KIAA1328: variants seen among roughly 807,000 people sequenced by gnomAD.
The protein encoded by KIAA1328 is KIAA1328, also known as protein hinderin.
Under a neutral mutation model 68.1 loss-of-function variants are expected in KIAA1328, and 52 were observed. The observed-to-expected ratio is 0.76, with a 90% confidence interval of 0.61 to 0.96. The LOEUF (loss-of-function observed/expected upper bound fraction) is 0.96. KIAA1328 is among the 40% of genes least tolerant of loss of function. The pLI is 0.00. For synonymous variants in KIAA1328, 232 were observed against 239.4 expected, an observed-to-expected ratio of 0.97 and a Z score of 0.28; for missense variants, 641 against 677.6, an observed-to-expected ratio of 0.95 and a Z score of 0.60.
chr18:36,952,278 A>G (rs926408728), intron 5 of KIAA1328, among the ~76,000 whole-genome samples: 1 of 152,122 alleles, frequency 6.6e-6, no homozygotes, highest in Non-Finnish European at 1.5e-5. Flanking sequence ...ACTTCCCTCC[A>G]GTGTGGTCAA....
At chr18:37,028,779 A>G (rs993239642) in intron 6 of KIAA1328, among the ~76,000 whole-genome samples, 1 of 152,134 alleles carries the variant, frequency 6.6e-6, no homozygotes, top group Non-Finnish European at 1.5e-5. Context: ...TGAGGTGATC[A>G]TGTGGTTTTT....
chr18:36,976,211 A>G (rs988769440), intron 6 of KIAA1328, among the ~76,000 whole-genome samples: 1 of 152,206 alleles, frequency 6.6e-6, no homozygotes, highest in Non-Finnish European at 1.5e-5. Flanking sequence ...ACCTGTGGCT[A>G]TAATTTTGGA....
intron 6 of KIAA1328, among the ~76,000 whole-genome samples, chr18:37,051,874 T>C (rs1439179134): frequency 1.3e-5 from 2 of 152,194 alleles, no homozygotes; most frequent in East Asian, 3.9e-4. Context: ...AAACCCCATC[T>C]CTACTAAAAA....
chr18:37,109,420 T>A (rs2057866550), intron 7 of KIAA1328, among the ~76,000 whole-genome samples: 1 of 152,218 alleles, frequency 6.6e-6, no homozygotes, highest in Non-Finnish European at 1.5e-5. Flanking sequence ...CTTTTTTGTA[T>A]GTAATAACTA....
chr18:37,112,761 A>G (rs1222453119), intron 7 of KIAA1328, among the ~76,000 whole-genome samples: 2 of 152,146 alleles, frequency 1.3e-5, no homozygotes, highest in Non-Finnish European at 2.9e-5. Flanking sequence ...AATACCTTGA[A>G]AAAAGATTGG....
intron 6 of KIAA1328, among the ~76,000 whole-genome samples, chr18:36,974,700 T>C (rs1362614330): frequency 1.3e-5 from 2 of 152,202 alleles, no homozygotes; most frequent in East Asian, 3.8e-4. Context: ...GTTCTATTTT[T>C]AGTTATTCGA....
intron 5 of KIAA1328, among the ~76,000 whole-genome samples, chr18:36,925,276 A>G (rs1018067902): frequency 1.3e-5 from 2 of 152,168 alleles, no homozygotes; most frequent in Non-Finnish European, 2.9e-5. Context: ...ATGGCAGAAT[A>G]CTACGGATTC....
At chr18:36,848,448 C>A (rs1208844147) in intron 4 of KIAA1328, among the ~76,000 whole-genome samples, 1 of 144,188 alleles carries the variant, frequency 6.9e-6, no homozygotes, top group Non-Finnish European at 1.5e-5. Flanking sequence ...TTGTTACAGT[C>A]GTTTTTTGGT....
At chr18:37,015,605 A>G (rs1394509358) in intron 6 of KIAA1328, among the ~76,000 whole-genome samples, 1 of 152,054 alleles carries the variant, frequency 6.6e-6, no homozygotes, top group Non-Finnish European at 1.5e-5. Context: ...GGCCATTTTA[A>G]CTATATTGAT....
At chr18:37,128,403 G>A (rs184304622) in intron 7 of KIAA1328, among the ~76,000 whole-genome samples, 2 of 152,234 alleles carry the variant, frequency 1.3e-5, no homozygotes, top group South Asian at 2.1e-4. Context: ...AACCTGGGAG[G>A]CGTAGGTTGC....
At chr18:37,092,540 G>A (rs1050336735) in intron 7 of KIAA1328, among the ~76,000 whole-genome samples, 1 of 151,952 alleles carries the variant, frequency 6.6e-6, no homozygotes, top group Non-Finnish European at 1.5e-5. Flanking sequence ...GGCACCTGAG[G>A]ATAGGGCTCT....
chr18:36,938,114 C>A (rs533192970), intron 5 of KIAA1328, among the ~76,000 whole-genome samples: 1 of 152,238 alleles, frequency 6.6e-6, no homozygotes, highest in East Asian at 1.9e-4. Context: ...TGGGTATATA[C>A]CCAGAAGTGG....
chr18:36,927,917 GAGA>G (rs2050178988), intron 5 of KIAA1328, among the ~76,000 whole-genome samples: 1 of 152,090 alleles, frequency 6.6e-6, no homozygotes, highest in Non-Finnish European at 1.5e-5. Flanking sequence ...AAAGGGAAGA[GAGA>G]AGTTGTCCCG....
chr18:36,941,936 A>G (rs555743736), intron 5 of KIAA1328, among the ~76,000 whole-genome samples: 1 of 152,182 alleles, frequency 6.6e-6, no homozygotes, highest in Non-Finnish European at 1.5e-5. Context: ...AAAAAAAAGA[A>G]CCTAATAAAA....
At chr18:37,089,468 G>GGA (rs2057207819) in intron 7 of KIAA1328, among the ~76,000 whole-genome samples, 1 of 149,236 alleles carries the variant, frequency 6.7e-6, no homozygotes, top group Non-Finnish European at 1.5e-5. Context: ...TCCACCTTCC[G>GGA]GGTTCAAGCA....
intron 6 of KIAA1328, among the ~76,000 whole-genome samples, chr18:36,979,310 A>G (rs2052593724): frequency 6.6e-6 from 1 of 152,196 alleles, no homozygotes; most frequent in Non-Finnish European, 1.5e-5. Context: ...TTTATTATAG[A>G]TATAAACTGT....
At chr18:36,874,402 T>C (rs968279649) in intron 4 of KIAA1328, among the ~76,000 whole-genome samples, 1 of 152,238 alleles carries the variant, frequency 6.6e-6, no homozygotes, top group Admixed American at 6.5e-5. Flanking sequence ...TGGTATCTCA[T>C]TGTGGTTTTG....
chr18:36,875,998 GC>G (rs1392129657), intron 4 of KIAA1328, among the ~76,000 whole-genome samples: 4 of 152,028 alleles, frequency 2.6e-5, no homozygotes, highest in Non-Finnish European at 5.9e-5. Flanking sequence ...AACCAGCCTT[GC>G]ATCCCAGGGA....
rs2060597720 is a variant in KIAA1328 at position 37,223,317 on chromosome 18, T to C, written c.*1090T>C. On this transcript the variant is annotated 3_prime_UTR_variant, in exon 10 of 10. Coordinates refer to ENST00000280020, the MANE Select transcript of KIAA1328 (RefSeq NM_020776.3). The stretch of plus-strand genomic sequence containing the variant: ...CCCTACTTTTTCTCACTGGCCTCGT[T>C]TTGACCCAGAGAAAGCCTATGGAAG... 1.0e-6 allele frequency: 1 copy of C among 985,400 alleles called. No individual in the cohort carries two copies. Among genetic ancestry groups the C allele is most frequent in the Non-Finnish European group, 1.2e-6 (1 of 829,970 alleles). 61.0% of individuals were successfully genotyped at this position (985,400 alleles called of 1,614,324 possible).
Sources: gnomAD v4.1 joint callset for allele counts (sites outside exome capture counted in the v4.1 genomes callset) on GRCh38, gnomAD v4.1.1 for gene constraint, MANE v1.5 for transcripts, NCBI Gene and HGNC (gene_info 2026-07-23, HGNC 2026-07-21) for gene names.